Variants in AOPEP observed in about 807,000 individuals in gnomAD.
AOPEP encodes the protein aminopeptidase O (putative).
A neutral mutation model predicts 98.1 loss-of-function variants in AOPEP; 77 were observed. That is an observed-to-expected ratio of 0.78 (90% CI 0.65 to 0.95). The LOEUF is 0.95. AOPEP is among the 40% of genes least tolerant of loss of function. The pLI, the probability that AOPEP is intolerant of heterozygous loss-of-function variation, is 0.00. For missense variants in AOPEP, 1,024 were observed against 1,024.7 expected, an observed-to-expected ratio of 1.00 and a Z score of 0.01; for synonymous variants, 346 against 365.3, an observed-to-expected ratio of 0.95 and a Z score of 0.60.
intron 13 of AOPEP, among the ~76,000 whole-genome samples, chr9:95,038,447 A>G (rs1430708191): frequency 2.6e-5 from 4 of 152,350 alleles, no homozygotes; most frequent in South Asian, 2.1e-4. Context: ...TAAAAAGCCT[A>G]ATGATATAAA....
the AOPEP span, among the ~76,000 whole-genome samples, chr9:95,102,453 AAAG>A: frequency 6.6e-6 from 1 of 152,218 alleles, no homozygotes; most frequent in African/African-American, 2.4e-5. Flanking sequence ...GGTTAAGAAA[AAAG>A]GGAAGGGTGA....
At position 94,752,267 on chromosome 9, in the gene AOPEP, A is replaced by G. The variant is rs115787368; in HGVS notation, c.-135-7382A>G. On this transcript the variant is annotated intron_variant, in intron 1 of 16. Transcript: ENST00000375315. ...ATCATAGTCTGTGGGCTTCTGGCCA[A>G]TGTGATCAACTGAAGTGTAAGGAAA... Among the ~76,000 whole-genome samples, 791 of 152,178 alleles carry G rather than the reference A, an allele frequency of 5.2e-3. 11 individuals are homozygous for G. Among genetic ancestry groups the G allele is most frequent in the African/African-American group, 0.018 (744 of 41,502 alleles).
intron 5 of AOPEP, chr9:94,824,332 C>A: frequency 6.6e-6 from 1 of 152,152 alleles, no homozygotes; most frequent in East Asian, 1.9e-4. Flanking sequence ...GATGTCAAAT[C>A]GACTGAGGAT....
intron 13 of AOPEP, 50 bp downstream of exon 13, chr9:95,005,666 C>T: frequency 6.7e-7 from 1 of 1,486,750 alleles, no homozygotes; most frequent in Non-Finnish European, 9.4e-7. Flanking sequence ...AAATCCGCTT[C>T]TGCCCCGTGA....
At chr9:94,763,368 C>T (rs1838818715) in intron 2 of AOPEP, 4 of 239,760 alleles carry the variant, frequency 1.7e-5, no homozygotes, top group Non-Finnish European at 3.4e-5. Flanking sequence ...TCCCCATTTC[C>T]CACCTGTACT....
At chr9:94,927,540 G>C (rs555239025) in intron 6 of AOPEP, among the ~76,000 whole-genome samples, 1 of 152,086 alleles carries the variant, frequency 6.6e-6, no homozygotes, top group African/African-American at 2.4e-5. Context: ...CTCCCCGGCC[G>C]ACTCCTCCTT....
At chr9:94,893,516 A>G (rs1271031901) in intron 5 of AOPEP, among the ~76,000 whole-genome samples, 1 of 152,216 alleles carries the variant, frequency 6.6e-6, no homozygotes, top group African/African-American at 2.4e-5. Context: ...CCAGGTTTTT[A>G]ACAACCTACA....
Position 94,762,452 on chromosome 9 carries a change from GAAAAA to G in AOPEP, c.797+1882_797+1886del, listed in dbSNP as rs796216866. ...ACAGAGTGAGACTCCGTCTCAAAAA[GAAAAA>G]AAAAAAAAAGAAATTAAAGAGGTCC... On this transcript the variant is annotated intron_variant, in intron 2 of 16. Coordinates refer to ENST00000375315, the MANE Select transcript of AOPEP (RefSeq NM_001193329.3). Among the ~76,000 whole-genome samples, 750 of 103,172 alleles carry G rather than the reference GAAAAA, an allele frequency of 7.3e-3. 10 individuals are homozygous for G. Among genetic ancestry groups the G allele is most frequent in the African/African-American group, 0.025 (712 of 28,132 alleles). 67.7% of individuals were successfully genotyped at this position (103,172 alleles called of 152,430 possible). A position where few individuals can be genotyped will look rare whatever the true frequency, so the allele number is the denominator to read the frequency against.
intron 11 of AOPEP, among the ~76,000 whole-genome samples, chr9:94,996,350 C>CTG (rs10608161): frequency 0.31 from 43,272 of 141,400 alleles, 6,573 homozygotes; most frequent in Non-Finnish European, 0.36. Flanking sequence ...TTACTTGCCT[C>CTG]TGTGTGTGTG....
At chr9:95,119,359 CCTTTT>C in the AOPEP span, among the ~76,000 whole-genome samples, 65 of 107,554 alleles carry the variant, frequency 6.0e-4, no homozygotes, top group South Asian at 2.1e-3. Context: ...CTTCTTTCTT[CCTTTT>C]CTTTTTTTTT....
At chr9:94,791,533 G>T (rs1168284366) in intron 3 of AOPEP, among the ~76,000 whole-genome samples, 2 of 152,024 alleles carry the variant, frequency 1.3e-5, no homozygotes, top group African/African-American at 4.8e-5. Flanking sequence ...GCTGTGTGTG[G>T]TGGCACATAC....
At chr9:94,782,059 G>A (rs1368703419) in intron 3 of AOPEP, among the ~76,000 whole-genome samples, 1 of 151,552 alleles carries the variant, frequency 6.6e-6, no homozygotes, top group Non-Finnish European at 1.5e-5. Flanking sequence ...CGGGCGTGGT[G>A]GCAGGCGCGT....
intron 1 of AOPEP, among the ~76,000 whole-genome samples, chr9:94,753,884 A>G (rs1836404510): frequency 6.6e-6 from 1 of 152,232 alleles, no homozygotes; most frequent in African/African-American, 2.4e-5. Flanking sequence ...GCCTCTTTTT[A>G]TGCCACATCT....
At chr9:94,728,154 T>C (rs1564021029) in intron 1 of AOPEP, among the ~76,000 whole-genome samples, 1 of 152,180 alleles carries the variant, frequency 6.6e-6, no homozygotes, top group Non-Finnish European at 1.5e-5. Context: ...CTTTTTAATA[T>C]CTTTAATACT....
chr9:94,955,836 G>A, intron 8 of AOPEP, 72 bp from the exon 9 acceptor site: 1 of 1,029,068 alleles, frequency 9.7e-7, no homozygotes, highest in Non-Finnish European at 1.5e-6. Flanking sequence ...GTTAGGTAGG[G>A]CTGACTATAT....
At chr9:94,772,860 A>G (rs911077105) in intron 2 of AOPEP, 142 bp from the exon 3 acceptor site, 5 of 778,298 alleles carry the variant, frequency 6.4e-6, no homozygotes, top group African/African-American at 1.7e-5. Flanking sequence ...CTTCAGTTCA[A>G]AATGCTAGGA....
chr9:94,730,264 A>G (rs1467624797), intron 1 of AOPEP, among the ~76,000 whole-genome samples: 1 of 150,128 alleles, frequency 6.7e-6, no homozygotes, highest in Admixed American at 6.7e-5. Flanking sequence ...AGCCTGGGCG[A>G]CAGAGCGAGA....
At chr9:94,846,358 T>TG (rs1188197232) in intron 5 of AOPEP, among the ~76,000 whole-genome samples, 1 of 151,984 alleles carries the variant, frequency 6.6e-6, no homozygotes, top group Non-Finnish European at 1.5e-5. Context: ...TTTGGTTCAG[T>TG]GGGGGTCACT....
At chr9:94,965,605 C>G (rs2059137843) in intron 9 of AOPEP, among the ~76,000 whole-genome samples, 1 of 152,266 alleles carries the variant, frequency 6.6e-6, no homozygotes, top group Non-Finnish European at 1.5e-5. Flanking sequence ...CTGCTTCCAT[C>G]TCACAGTTAA....
Sources: gnomAD v4.1 joint callset for allele counts (sites outside exome capture counted in the v4.1 genomes callset) on GRCh38, gnomAD v4.1.1 for gene constraint, MANE v1.5 for transcripts, NCBI Gene and HGNC (gene_info 2026-07-23, HGNC 2026-07-21) for gene names.